WNT9A: variants seen among roughly 807,000 people sequenced by gnomAD.
The protein encoded by WNT9A is Wnt family member 9A, also known as protein Wnt-9a.
WNT9A carries 8 observed loss-of-function variants against 31.4 expected under a neutral mutation model. The ratio of observed to expected loss-of-function variants is 0.26; its 90% confidence interval spans 0.15 to 0.46. WNT9A has a LOEUF of 0.46. Ranked by LOEUF, WNT9A falls within the 20% of genes least tolerant of loss-of-function variation. The pLI is 0.99. For missense variants in WNT9A, 457 were observed against 522.9 expected, an observed-to-expected ratio of 0.87 and a Z score of 1.23; for synonymous variants, 236 against 220.1, an observed-to-expected ratio of 1.07 and a Z score of -0.64.
chr1:227,921,480 C>A lies in WNT9A; in HGVS notation c.*38G>T. 6.3e-7 allele frequency: 1 copy of A among 1,582,384 alleles called. No homozygotes were observed. On this transcript the variant is annotated 3_prime_UTR_variant, in exon 4 of 4. Transcript: ENST00000272164. ...AGACCCTTCACACCGTGTGCAATGCCTGCACCCTGTGCAGCAGGGCTGGCA... is the reference window on the plus strand; with the variant it reads ...AGACCCTTCACACCGTGTGCAATGCATGCACCCTGTGCAGCAGGGCTGGCA...
At chr1:227,941,990 A>G (rs867565360) in intron 1 of WNT9A, among the ~76,000 whole-genome samples, 32 of 152,030 alleles carry the variant, frequency 2.1e-4, no homozygotes, top group African/African-American at 7.5e-4. Flanking sequence ...AGCCTCCAGG[A>G]GGTATCCGTG....
chr1:227,924,227 T>G lies in WNT9A; in HGVS notation c.526A>C (p.Ser176Arg), dbSNP rs147024660. Residue 176 changes from serine to arginine, a missense_variant, in exon 3 of 4, where the codon AGC becomes CGC. Transcript: ENST00000272164. The part of the protein sequence containing the change: ...GGCGDNLKYS[S>R]KFVKEFLGRR... ...CCCAGGAATTCCTTGACGAACTTGC[T>G]GCTGTACTTAAGGTTGTCTCCGCAG... The G allele has an allele frequency of 6.2e-7, 1 of 1,613,770 alleles. No individual in the cohort carries two copies. The highest frequency in any genetic ancestry group is 1.3e-5 in the African/African-American group (1 of 75,014).
intron 1 of WNT9A, among the ~76,000 whole-genome samples, chr1:227,935,855 A>G (rs952326242): frequency 2.0e-5 from 3 of 152,136 alleles, no homozygotes; most frequent in African/African-American, 7.2e-5. Flanking sequence ...TGACCTACCT[A>G]AGCCTGATGC....
chr1:227,941,841 G>A (rs1666712239), intron 1 of WNT9A, among the ~76,000 whole-genome samples: 1 of 152,114 alleles, frequency 6.6e-6, no homozygotes, highest in South Asian at 2.1e-4. Flanking sequence ...TCCTGACCCC[G>A]CCGCCCAGCA....
At chr1:227,934,274 T>C (rs1006065076) in intron 1 of WNT9A, among the ~76,000 whole-genome samples, 1 of 152,270 alleles carries the variant, frequency 6.6e-6, no homozygotes, top group East Asian at 1.9e-4. Context: ...TGTTTTCCAA[T>C]GTGGCTGCAC....
chr1:227,943,151 GC>G (rs2102731638), intron 1 of WNT9A, among the ~76,000 whole-genome samples: 1 of 152,272 alleles, frequency 6.6e-6, no homozygotes, highest in South Asian at 2.1e-4. Flanking sequence ...CCCTCCCCAC[GC>G]CCATGACAGC....
At chr1:227,939,380 T>G (rs1666654752) in intron 1 of WNT9A, among the ~76,000 whole-genome samples, 4 of 152,182 alleles carry the variant, frequency 2.6e-5, no homozygotes, top group Admixed American at 2.6e-4. Flanking sequence ...GTGCTGAGTC[T>G]GGGGACGGCC....
At chr1:227,927,895 G>A (rs1275865192) in intron 1 of WNT9A, among the ~76,000 whole-genome samples, 3 of 151,960 alleles carry the variant, frequency 2.0e-5, no homozygotes, top group Admixed American at 6.6e-5. Flanking sequence ...GGAGAGGGAG[G>A]GCACTAAGAA....
chr1:227,925,033 A>T lies in WNT9A; in HGVS notation c.352+230T>A, dbSNP rs1183537845. Among the ~76,000 whole-genome samples, 2 of 151,868 alleles carry T rather than the reference A, an allele frequency of 1.3e-5. No homozygotes were observed. Among genetic ancestry groups the T allele is most frequent in the East Asian group, 4.0e-4 (2 of 5,052 alleles). ...GGGCCCCGTCAAAGGCCGAGTCAGCATGCCCTGGCCACCAGCAACGACTGT... is the reference window on the plus strand; with the variant it reads ...GGGCCCCGTCAAAGGCCGAGTCAGCTTGCCCTGGCCACCAGCAACGACTGT... On this transcript the variant is annotated intron_variant, in intron 2 of 3. Coordinates refer to ENST00000272164, the MANE Select transcript of WNT9A (RefSeq NM_003395.4). The surrounding 1 kb of genome is among the most constrained non-coding windows in gnomAD (Gnocchi z 6.0).
intron 2 of WNT9A, among the ~76,000 whole-genome samples, chr1:227,924,998 G>A (rs554478864): frequency 2.0e-5 from 3 of 152,146 alleles, no homozygotes; most frequent in South Asian, 2.1e-4. Context: ...GGGCAGCCCC[G>A]GGTAGCCTGG....
chr1:227,944,073 C>G (rs971800911), intron 1 of WNT9A, among the ~76,000 whole-genome samples: 3 of 152,082 alleles, frequency 2.0e-5, no homozygotes, highest in Non-Finnish European at 4.4e-5. Context: ...ACACACAAAA[C>G]CTCACATACC....
At chr1:227,937,597 G>C (rs1016788143) in intron 1 of WNT9A, among the ~76,000 whole-genome samples, 7 of 152,254 alleles carry the variant, frequency 4.6e-5, no homozygotes, top group African/African-American at 1.7e-4. Context: ...AGGCGGACGA[G>C]AGGGCCACGT....
At chr1:227,943,257 C>T (rs561240347) in intron 1 of WNT9A, among the ~76,000 whole-genome samples, 1 of 152,330 alleles carries the variant, frequency 6.6e-6, no homozygotes, top group South Asian at 2.1e-4. Flanking sequence ...GCTGCCCCCA[C>T]CCACCCAGTG....
At chr1:227,938,432 C>T (rs865864027) in intron 1 of WNT9A, among the ~76,000 whole-genome samples, 7 of 151,822 alleles carry the variant, frequency 4.6e-5, no homozygotes, top group East Asian at 1.9e-4. Flanking sequence ...CCCATACGAA[C>T]CCATAAACCC....
intron 3 of WNT9A, 122 bp from the exon 4 acceptor site, chr1:227,922,122 C>G: frequency 2.8e-6 from 4 of 1,413,804 alleles, no homozygotes; most frequent in Non-Finnish European, 1.9e-6. Flanking sequence ...GCCCTGCCGG[C>G]GGGCGTCACC....
At chr1:227,946,746 C>T (rs982922962) in intron 1 of WNT9A, among the ~76,000 whole-genome samples, 3 of 152,342 alleles carry the variant, frequency 2.0e-5, no homozygotes, top group African/African-American at 4.8e-5. Context: ...TCTCCCTGCC[C>T]GGGCGGGTGC....
chr1:227,937,982 T>C (rs1045511556), intron 1 of WNT9A, among the ~76,000 whole-genome samples: 1 of 152,162 alleles, frequency 6.6e-6, no homozygotes, highest in Non-Finnish European at 1.5e-5. Flanking sequence ...AGCGCACACG[T>C]GGTGGCTGTG....
chr1:227,947,863 G>C lies in WNT9A; in HGVS notation c.25C>G (p.Arg9Gly), dbSNP rs1465569121. The change falls in exon 1 of 4, where the codon CGC becomes GGC. Residue 9 changes from arginine to glycine, a missense_variant. Arg to Gly is a moderately radical substitution (Grantham distance 125). Transcript: ENST00000272164. Reference protein sequence around the residue: MLDGSPLARWLAAAFGLTL... With the variant: MLDGSPLAGWLAAAFGLTL... The stretch of plus-strand genomic sequence containing the variant: ...AGCCCGAAGGCCGCGGCCAGCCAGC[G>C]CGCCAGCGGGGACCCATCCAGCATC... 1.7e-5 allele frequency: 18 copies of C among 1,084,870 alleles called. No individual in the cohort carries two copies. The highest frequency in any genetic ancestry group is 1.8e-5 in the Non-Finnish European group (16 of 894,994). 67.2% of individuals were successfully genotyped at this position (1,084,870 alleles called of 1,614,324 possible).
chr1:227,922,996 C>T (rs1162232956), intron 3 of WNT9A, among the ~76,000 whole-genome samples: 1 of 152,194 alleles, frequency 6.6e-6, no homozygotes, highest in Non-Finnish European at 1.5e-5. Context: ...AATGGAGCAC[C>T]TTCATGTTCC....
Sources: gnomAD v4.1 joint callset for allele counts (sites outside exome capture counted in the v4.1 genomes callset) on GRCh38, gnomAD v4.1.1 for gene constraint, Gnocchi (gnomAD v3.1) non-coding constraint, MANE v1.5 for transcripts, NCBI Gene and HGNC (gene_info 2026-07-23, HGNC 2026-07-21) for gene names.